Variants in RSRC1 observed in about 807,000 individuals in gnomAD.
RSRC1 encodes serine/Arginine-related protein 53.
A neutral mutation model predicts 49.1 loss-of-function variants in RSRC1; 39 were observed. The ratio of observed to expected loss-of-function variants is 0.79; its 90% confidence interval spans 0.61 to 1.04. RSRC1 has a LOEUF of 1.04. RSRC1 is among the 50% of genes least tolerant of loss of function. RSRC1 has a pLI of 0.00. For synonymous variants in RSRC1, 143 were observed against 130.8 expected, an observed-to-expected ratio of 1.09 and a Z score of -0.63; for missense variants, 388 against 402.4, an observed-to-expected ratio of 0.96 and a Z score of 0.31.
intron 7 of RSRC1, among the ~76,000 whole-genome samples, chr3:158,510,531 A>G (rs1740099480): frequency 2.0e-5 from 3 of 152,140 alleles, no homozygotes; most frequent in Admixed American, 2.0e-4. Context: ...TTCGTGGTAT[A>G]TAGTAGGTGT....
chr3:158,316,361 A>G (rs1452909386), intron 5 of RSRC1, among the ~76,000 whole-genome samples: 1 of 149,200 alleles, frequency 6.7e-6, no homozygotes, highest in Non-Finnish European at 1.5e-5. Flanking sequence ...TCTTATGTGT[A>G]CTTCCCTACT....
At chr3:158,447,283 C>A (rs1458987006) in intron 6 of RSRC1, among the ~76,000 whole-genome samples, 1 of 151,758 alleles carries the variant, frequency 6.6e-6, no homozygotes, top group African/African-American at 2.4e-5. Flanking sequence ...AATCAGGCAA[C>A]CAAAATTATG....
intron 4 of RSRC1, among the ~76,000 whole-genome samples, chr3:158,230,363 T>A (rs1287648067): frequency 6.6e-6 from 1 of 152,180 alleles, no homozygotes; most frequent in Non-Finnish European, 1.5e-5. Context: ...AATTAAAATC[T>A]GATTTGGCAG....
At chr3:158,494,707 T>C in intron 7 of RSRC1, among the ~76,000 whole-genome samples, 1 of 152,334 alleles carries the variant, frequency 6.6e-6, no homozygotes. Context: ...TTTAACTGTT[T>C]TAACTTTAAA....
chr3:158,389,844 A>G (rs9878828), intron 6 of RSRC1, among the ~76,000 whole-genome samples: 4 of 152,184 alleles, frequency 2.6e-5, no homozygotes, highest in African/African-American at 7.2e-5. Flanking sequence ...AATTCTTGCT[A>G]TACCAACTTA....
rs1052358431 is a variant in RSRC1 at position 158,274,284 on chromosome 3, A to G, written c.495-23755A>G. ...CCTGTAAAACTGATTATTCAACATT[A>G]TGTTAAATTATCTTTAATTAATGAA... On this transcript the variant is annotated intron_variant, in intron 4 of 9. Transcript: ENST00000611884. 3.9e-5 allele frequency among the ~76,000 whole-genome samples: 6 copies of G among 152,118 alleles called. No homozygotes were observed. The East Asian group carries it at 7.7e-4, about 20-fold the overall frequency.
intron 6 of RSRC1, among the ~76,000 whole-genome samples, chr3:158,392,162 T>C (rs1282201041): frequency 4.6e-5 from 7 of 152,258 alleles, no homozygotes; most frequent in African/African-American, 1.7e-4. Context: ...CATACCTACA[T>C]ACTATATTCT....
At chr3:158,389,158 G>A (rs1733138703) in intron 6 of RSRC1, among the ~76,000 whole-genome samples, 1 of 152,068 alleles carries the variant, frequency 6.6e-6, no homozygotes, top group African/African-American at 2.4e-5. Context: ...TAACCCAGAC[G>A]TTTTATTCTT....
chr3:158,419,026 G>A (rs1369918943), intron 6 of RSRC1, among the ~76,000 whole-genome samples: 1 of 151,932 alleles, frequency 6.6e-6, no homozygotes, highest in African/African-American at 2.4e-5. Flanking sequence ...TACCTGGATG[G>A]ATTCAAAATA....
chr3:158,128,780 C>T (rs1227944209), intron 3 of RSRC1, among the ~76,000 whole-genome samples: 1 of 152,144 alleles, frequency 6.6e-6, no homozygotes. Flanking sequence ...TACGAGAGTT[C>T]CTCATCCAAA....
At chr3:158,485,632 A>C (rs942650032) in intron 7 of RSRC1, among the ~76,000 whole-genome samples, 2 of 152,104 alleles carry the variant, frequency 1.3e-5, no homozygotes, top group Non-Finnish European at 2.9e-5. Context: ...TTTTTCCTAC[A>C]TATGACACTG....
At chr3:158,473,144 C>T (rs1009532744) in intron 7 of RSRC1, among the ~76,000 whole-genome samples, 3 of 152,122 alleles carry the variant, frequency 2.0e-5, no homozygotes, top group Non-Finnish European at 4.4e-5. Flanking sequence ...TACCATATGA[C>T]CCAGCTATCC....
chr3:158,364,474 A>C (rs1006787983), intron 6 of RSRC1, among the ~76,000 whole-genome samples: 3 of 152,090 alleles, frequency 2.0e-5, no homozygotes, highest in African/African-American at 7.2e-5. Context: ...GTCCAGATTT[A>C]TATTGTTTCA....
chr3:158,118,805 C>A (rs1193750214), intron 1 of RSRC1, among the ~76,000 whole-genome samples: 1 of 152,126 alleles, frequency 6.6e-6, no homozygotes, highest in Non-Finnish European at 1.5e-5. Flanking sequence ...GACTTGTCAA[C>A]TAGTAGGCTT....
intron 1 of RSRC1, among the ~76,000 whole-genome samples, chr3:158,120,667 TTAAA>T (rs1407680440): frequency 2.0e-5 from 3 of 147,142 alleles, no homozygotes; most frequent in South Asian, 2.1e-4. Flanking sequence ...ATTTAATATA[TTAAA>T]TAGATAATAT....
chr3:158,479,874 A>T (rs1173514091), intron 7 of RSRC1, among the ~76,000 whole-genome samples: 1 of 152,104 alleles, frequency 6.6e-6, no homozygotes, highest in Admixed American at 6.6e-5. Flanking sequence ...ATACTATTCC[A>T]GAAATCTTGA....
intron 5 of RSRC1, among the ~76,000 whole-genome samples, chr3:158,338,039 A>G (rs1343961976): frequency 6.6e-6 from 1 of 152,190 alleles, no homozygotes; most frequent in African/African-American, 2.4e-5. Context: ...AGCATCACTG[A>G]GGAGGTAATA....
intron 4 of RSRC1, among the ~76,000 whole-genome samples, chr3:158,256,231 G>A (rs544461216): frequency 3.3e-5 from 5 of 152,048 alleles, no homozygotes; most frequent in Middle Eastern, 3.2e-3. Flanking sequence ...TTTGAGATAC[G>A]TTCCTCAATA....
chr3:158,470,977 G>A (rs1344240355), intron 7 of RSRC1, among the ~76,000 whole-genome samples: 1 of 152,170 alleles, frequency 6.6e-6, no homozygotes, highest in Non-Finnish European at 1.5e-5. Flanking sequence ...AGCATCCTAG[G>A]CTGGAAAACC....
Sources: gnomAD v4.1 joint callset for allele counts (sites outside exome capture counted in the v4.1 genomes callset) on GRCh38, gnomAD v4.1.1 for gene constraint, MANE v1.5 for transcripts, NCBI Gene and HGNC (gene_info 2026-07-23, HGNC 2026-07-21) for gene names.